The following MARCHF1 variants were observed in gnomAD, a reference collection of about 807,000 sequenced individuals.
The protein encoded by MARCHF1 is E3 ubiquitin-protein ligase MARCHF1.
Under a neutral mutation model 54.2 loss-of-function variants are expected in MARCHF1, and 40 were observed. The ratio of observed to expected loss-of-function variants is 0.74; its 90% CI spans 0.57 to 0.96. The LOEUF (loss-of-function observed/expected upper bound fraction) is 0.96. MARCHF1 is among the 40% of genes least tolerant of loss of function. The pLI is 0.00. For synonymous variants in MARCHF1, 236 were observed against 236.3 expected (o/e 1.00, Z 0.01); for missense variants, 586 against 656.5 (o/e 0.89, Z 1.17).
At chr4:163,684,478 AT>A (rs1298931102) in intron 5 of MARCHF1, among the ~76,000 whole-genome samples, 1 of 152,226 alleles carries the variant, frequency 6.6e-6, no homozygotes. Flanking sequence ...TCAACACCAG[AT>A]TTTGAGAGCA....
chr4:164,263,271 T>G (rs373275499), intron 1 of MARCHF1, among the ~76,000 whole-genome samples: 10 of 151,904 alleles, frequency 6.6e-5, no homozygotes, highest in East Asian at 1.9e-4. Context: ...GAGGGAGGAG[T>G]TTAAGACATT....
chr4:163,722,730 T>C (rs1458288936), intron 4 of MARCHF1, among the ~76,000 whole-genome samples: 2 of 152,234 alleles, frequency 1.3e-5, no homozygotes, highest in Non-Finnish European at 2.9e-5. Context: ...GGTGCATATA[T>C]ATTTAAGATA....
chr4:164,111,610 TCA>T lies in MARCHF1; in HGVS notation c.-272_-271del, dbSNP rs552811768. 3.2e-4 allele frequency: 49 copies of T among 151,874 alleles called. No individual in the cohort carries two copies. Among genetic ancestry groups the T allele is most frequent in the African/African-American group, 1.2e-3 (49 of 41,568 alleles). The allele number at this position is 151,874 out of a possible 1,614,324, so 9.4% of individuals were successfully genotyped here. A position where few individuals can be genotyped will look rare whatever the true frequency, so the allele number is the denominator to read the frequency against. On this transcript the variant is annotated 5_prime_UTR_variant, in exon 2 of 10. The change creates a premature stop within an existing upstream ORF in the 5' untranslated region. Transcript: ENST00000514618. The stretch of plus-strand genomic sequence containing the variant: ...TACAAAATACAGCAGTCTTGTTTAA[TCA>T]CAGCAGGACAGTTGAGTATATTCTC...
chr4:164,043,356 A>C (rs1431239623), intron 2 of MARCHF1, among the ~76,000 whole-genome samples: 1 of 152,168 alleles, frequency 6.6e-6, no homozygotes, highest in African/African-American at 2.4e-5. Flanking sequence ...TTGCAGGCCC[A>C]ATACCACATG....
At chr4:164,107,443 C>T (rs542513382) in intron 2 of MARCHF1, among the ~76,000 whole-genome samples, 3 of 152,248 alleles carry the variant, frequency 2.0e-5, no homozygotes, top group Non-Finnish European at 2.9e-5. Flanking sequence ...TCACTGCAAA[C>T]TCTGCCTCTT....
rs559935116 is a variant in MARCHF1 at position 163,646,769 on chromosome 4, C to T, written c.163-33376G>A. Among the ~76,000 whole-genome samples, 143 of 151,860 alleles carry T rather than the reference C, an allele frequency of 9.4e-4. 1 individual carries two copies. Among genetic ancestry groups the T allele is most frequent in the Non-Finnish European group, 1.2e-3 (79 of 67,888 alleles). On this transcript the variant is annotated intron_variant, in intron 5 of 9. Transcript: ENST00000514618. ...ACCCTTAAAACCTATAGCAGATACA[C>T]AAAAGATAAAGGGACCAAAACATGC...
chr4:164,245,353 T>G (rs1732913612), intron 1 of MARCHF1, among the ~76,000 whole-genome samples: 1 of 152,138 alleles, frequency 6.6e-6, no homozygotes, highest in East Asian at 1.9e-4. Context: ...AAAAACCACA[T>G]GATTATCTCA....
At chr4:163,604,643 T>C (rs1053704902) in intron 7 of MARCHF1, among the ~76,000 whole-genome samples, 11 of 152,208 alleles carry the variant, frequency 7.2e-5, no homozygotes, top group African/African-American at 2.6e-4. Flanking sequence ...CTGCAGAAAC[T>C]TTCTTTTTGT....
At chr4:164,203,653 C>T (rs982328586) in intron 1 of MARCHF1, among the ~76,000 whole-genome samples, 3 of 152,086 alleles carry the variant, frequency 2.0e-5, no homozygotes, top group African/African-American at 7.2e-5. Context: ...TAGAAACATC[C>T]AGAATAATGT....
chr4:164,165,817 T>C (rs1227200944), intron 1 of MARCHF1, among the ~76,000 whole-genome samples: 2 of 151,984 alleles, frequency 1.3e-5, no homozygotes, highest in Non-Finnish European at 2.9e-5. Flanking sequence ...CTGCTGTGTT[T>C]CTCCCTGTTA....
chr4:163,985,404 CCAAA>C (rs760463658), intron 3 of MARCHF1, among the ~76,000 whole-genome samples: 2 of 151,934 alleles, frequency 1.3e-5, no homozygotes, highest in African/African-American at 2.4e-5. Context: ...GGGTTATTAA[CCAAA>C]CAGAGATGAT....
intron 3 of MARCHF1, among the ~76,000 whole-genome samples, chr4:163,970,435 G>T (rs4056333): frequency 0.059 from 9,030 of 152,176 alleles, 578 homozygotes; most frequent in East Asian, 0.2. Context: ...CAGATAGTAA[G>T]TACTCAATAA....
chr4:164,095,757 C>T (rs1755397666), intron 2 of MARCHF1, among the ~76,000 whole-genome samples: 1 of 151,938 alleles, frequency 6.6e-6, no homozygotes, highest in Non-Finnish European at 1.5e-5. Flanking sequence ...ATTTGTGCCT[C>T]AAGGACATGA....
At chr4:164,188,583 C>G in intron 1 of MARCHF1, 1 of 815,294 alleles carries the variant, frequency 1.2e-6, no homozygotes. Context: ...GTGCCCTTCA[C>G]TCTTGAAGGG....
chr4:164,249,060 A>C (rs1462603895), intron 1 of MARCHF1, among the ~76,000 whole-genome samples: 1 of 152,126 alleles, frequency 6.6e-6, no homozygotes, highest in Non-Finnish European at 1.5e-5. Flanking sequence ...CATTTCATTC[A>C]TATCTATTTA....
At chr4:164,213,478 G>A (rs1016909690) in intron 1 of MARCHF1, among the ~76,000 whole-genome samples, 3 of 151,608 alleles carry the variant, frequency 2.0e-5, no homozygotes, top group South Asian at 2.1e-4. Flanking sequence ...CTCATGATTC[G>A]CCTGCCTCGG....
intron 1 of MARCHF1, among the ~76,000 whole-genome samples, chr4:164,218,654 A>T (rs1232536779): frequency 7.0e-6 from 1 of 142,024 alleles, no homozygotes; most frequent in Non-Finnish European, 1.5e-5. Flanking sequence ...GAACAATGGA[A>T]ACACATGGAC....
chr4:164,113,181 A>G (rs1332678305), intron 1 of MARCHF1, among the ~76,000 whole-genome samples: 2 of 151,934 alleles, frequency 1.3e-5, no homozygotes, highest in Non-Finnish European at 2.9e-5. Context: ...GGTATATTAA[A>G]ATCCAAGTTC....
chr4:163,623,147 C>A (rs1741745703), intron 5 of MARCHF1, among the ~76,000 whole-genome samples: 1 of 152,136 alleles, frequency 6.6e-6, no homozygotes, highest in Admixed American at 6.5e-5. Context: ...TAGACAAGAT[C>A]CAAGAGAAGT....
Sources: allele counts gnomAD v4.1 joint callset (sites outside exome capture counted in the v4.1 genomes callset), GRCh38; gene constraint gnomAD v4.1.1; transcripts MANE v1.5; gene names NCBI Gene and HGNC (gene_info 2026-07-23, HGNC 2026-07-21).